ESR1: variants seen among roughly 807,000 people sequenced by gnomAD.
ESR1 encodes estrogen receptor.
ESR1 carries 12 observed loss-of-function variants against 52.7 expected under a neutral mutation model. The observed-to-expected ratio is 0.23, with a 90% CI of 0.15 to 0.37. The LOEUF (loss-of-function observed/expected upper bound fraction) is 0.37, where lower values mean the gene tolerates loss of function less well. Among genes scored for constraint, ESR1 ranks in the 10% least tolerant of loss-of-function variants. The pLI is 1.00. For missense variants in ESR1, 584 were observed against 779.7 expected, an observed-to-expected ratio of 0.75 and a Z score of 2.99; for synonymous variants, 305 against 316.8, an observed-to-expected ratio of 0.96 and a Z score of 0.39.
intron 2 of ESR1, among the ~76,000 whole-genome samples, chr6:151,709,033 T>C (rs2096420847): frequency 6.6e-6 from 1 of 152,184 alleles, no homozygotes; most frequent in South Asian, 2.1e-4. Context: ...TTAACTATAG[T>C]CACCATGTTG....
intron 3 of ESR1, among the ~76,000 whole-genome samples, chr6:151,943,496 C>T (rs577231089): frequency 6.0e-4 from 91 of 151,652 alleles, no homozygotes; most frequent in Non-Finnish European, 1.2e-3. Context: ...AAAACAAATA[C>T]ATTTGTGAAA....
At chr6:151,827,638 A>G (rs1781734134) in intron 1 of ESR1, among the ~76,000 whole-genome samples, 2 of 152,216 alleles carry the variant, frequency 1.3e-5, no homozygotes, top group South Asian at 4.1e-4. Flanking sequence ...GATGATGACT[A>G]TTTTTAAAAG....
At chr6:152,112,740 C>T (rs1466887842) in intron 6 of ESR1, 1 of 152,276 alleles carries the variant, frequency 6.6e-6, no homozygotes. Flanking sequence ...CAGCAGCTGA[C>T]CTGGCAGGCG....
chr6:151,781,179 C>T (rs1786506210), intron 2 of ESR1, among the ~76,000 whole-genome samples: 1 of 152,126 alleles, frequency 6.6e-6, no homozygotes, highest in South Asian at 2.1e-4. Flanking sequence ...TGTCTTAGTC[C>T]ATTTTGTGCT....
chr6:151,776,014 A>G (rs1436512247), intron 2 of ESR1, among the ~76,000 whole-genome samples: 1 of 152,168 alleles, frequency 6.6e-6, no homozygotes, highest in Admixed American at 6.5e-5. Context: ...CGGATCTTAA[A>G]TCCCTGAAAG....
intron 2 of ESR1, among the ~76,000 whole-genome samples, chr6:151,791,398 G>A (rs897789960): frequency 6.6e-6 from 1 of 152,164 alleles, no homozygotes; most frequent in Non-Finnish European, 1.5e-5. Flanking sequence ...CATGTAAGAA[G>A]CGCCTTTGCT....
At chr6:151,843,132 T>C (rs1186402085) in intron 2 of ESR1, among the ~76,000 whole-genome samples, 2 of 152,234 alleles carry the variant, frequency 1.3e-5, no homozygotes, top group African/African-American at 4.8e-5. Context: ...ACATTCATGT[T>C]TGGTAGGCAA....
At chr6:151,876,130 G>A (rs374849723) in intron 2 of ESR1, among the ~76,000 whole-genome samples, 54 of 152,278 alleles carry the variant, frequency 3.5e-4, no homozygotes, top group South Asian at 2.7e-3. Context: ...TGTGCCTGTG[G>A]TGGGAGGTGG....
At chr6:152,055,196 A>G (rs1389415038) in intron 5 of ESR1, among the ~76,000 whole-genome samples, 2 of 152,194 alleles carry the variant, frequency 1.3e-5, no homozygotes, top group Non-Finnish European at 2.9e-5. Context: ...CTTTGGATAT[A>G]TACCCAGTAG....
intron 3 of ESR1, among the ~76,000 whole-genome samples, chr6:151,895,990 A>G (rs1795434527): frequency 6.6e-6 from 1 of 152,104 alleles, no homozygotes; most frequent in South Asian, 2.1e-4. Context: ...GGGTTTCGCT[A>G]TGTTGGCCAG....
intron 2 of ESR1, among the ~76,000 whole-genome samples, chr6:151,798,304 A>T (rs1776903477): frequency 6.6e-6 from 1 of 152,160 alleles, no homozygotes; most frequent in African/African-American, 2.4e-5. Flanking sequence ...TGAAGAGATG[A>T]ACTCGACAGC....
At chr6:151,680,690 A>C (rs572535895) in intron 1 of ESR1, among the ~76,000 whole-genome samples, 3 of 152,292 alleles carry the variant, frequency 2.0e-5, no homozygotes, top group Non-Finnish European at 4.4e-5. Flanking sequence ...GGGGGGACAC[A>C]AATCTTTCAG....
intron 2 of ESR1, among the ~76,000 whole-genome samples, chr6:151,733,764 T>A (rs1782434752): frequency 6.6e-6 from 1 of 152,108 alleles, no homozygotes; most frequent in Non-Finnish European, 1.5e-5. Context: ...ATGTGAAGAA[T>A]TTTGCTGCCC....
At chr6:151,824,227 G>A (rs1351727769) in intron 1 of ESR1, among the ~76,000 whole-genome samples, 2 of 151,946 alleles carry the variant, frequency 1.3e-5, no homozygotes, top group Non-Finnish European at 2.9e-5. Flanking sequence ...GGCCAGTGAT[G>A]ATGAGCATTT....
chr6:152,097,176 A>T (rs1415722930), intron 7 of ESR1, among the ~76,000 whole-genome samples: 4 of 152,010 alleles, frequency 2.6e-5, no homozygotes, highest in Non-Finnish European at 5.9e-5. Context: ...ACACACACAC[A>T]CATACACACA....
chr6:151,932,636 T>C (rs1376587803), intron 3 of ESR1, among the ~76,000 whole-genome samples: 2 of 143,630 alleles, frequency 1.4e-5, no homozygotes, highest in Non-Finnish European at 3.1e-5. Context: ...TTGTATAAGG[T>C]GTAAGGAAGG....
intron 4 of ESR1, among the ~76,000 whole-genome samples, chr6:151,979,370 T>G (rs2039771811): frequency 6.6e-6 from 1 of 152,192 alleles, no homozygotes; most frequent in South Asian, 2.1e-4. Flanking sequence ...TGGTTTAAAT[T>G]ATCCTAAAAT....
chr6:151,917,989 A>G (rs1352376247), intron 3 of ESR1, among the ~76,000 whole-genome samples: 2 of 152,262 alleles, frequency 1.3e-5, no homozygotes, highest in Non-Finnish European at 2.9e-5. Context: ...TGCTAATTGC[A>G]GAGGGGAATC....
At chr6:152,074,836 A>T (rs1366054321) in intron 6 of ESR1, among the ~76,000 whole-genome samples, 1 of 152,148 alleles carries the variant, frequency 6.6e-6, no homozygotes, top group Non-Finnish European at 1.5e-5. Flanking sequence ...TTTTTGGATA[A>T]TATCACATGG....
Sources: allele counts gnomAD v4.1 joint callset (sites outside exome capture counted in the v4.1 genomes callset), GRCh38; gene constraint gnomAD v4.1.1; transcripts MANE v1.5; gene names NCBI Gene and HGNC (gene_info 2026-07-23, HGNC 2026-07-21).